Variants in TRPA1 observed in about 807,000 individuals in gnomAD.
The protein encoded by TRPA1 is transient receptor potential cation channel subfamily A member 1.
TRPA1 carries 129 observed loss-of-function variants against 131.3 expected under a neutral mutation model. That is an observed-to-expected ratio of 0.98 (90% CI 0.85 to 1.14). The LOEUF (loss-of-function observed/expected upper bound fraction) is 1.14, where lower values mean the gene tolerates loss of function less well. Ranked by LOEUF, TRPA1 falls within the 50% of genes most tolerant of loss-of-function variation. TRPA1 has a pLI of 0.00. For synonymous variants in TRPA1, 441 were observed against 451.7 expected, an observed-to-expected ratio of 0.98 and a Z score of 0.30; for missense variants, 1,304 against 1,354.2, an observed-to-expected ratio of 0.96 and a Z score of 0.58.
rs757898280 is a variant in TRPA1, at chr8:72,071,883, C to T, written c.112-16G>A. On this transcript the variant is annotated splice_polypyrimidine_tract_variant and intron_variant, in intron 1 of 26. Coordinates refer to ENST00000262209, the MANE Select transcript of TRPA1 (RefSeq NM_007332.3). ...CAAAAACCACCTAGAGGTATTTAAA[C>T]ACCATTATACCAAACAAGCATATGC... 1 of 1,610,146 alleles carries T rather than the reference C, an allele frequency of 6.2e-7. No individual in the cohort carries two copies. The highest frequency in any genetic ancestry group is 8.5e-7 in the Non-Finnish European group (1 of 1,178,814).
intron 3 of TRPA1, 44 bp from the exon 4 acceptor site, chr8:72,065,602 C>A: frequency 6.9e-7 from 1 of 1,458,224 alleles, no homozygotes; most frequent in Non-Finnish European, 9.6e-7. Context: ...TGCAGATTTC[C>A]AAATAAGGTA....
At chr8:72,023,662 G>T in intron 26 of TRPA1, 152 bp downstream of exon 26, 1 of 572,454 alleles carries the variant, frequency 1.7e-6, no homozygotes, top group South Asian at 2.2e-5. Flanking sequence ...TCTAAAAAAT[G>T]TCTCATGACT....
intron 3 of TRPA1, among the ~76,000 whole-genome samples, chr8:72,068,210 G>A (rs1337513703): frequency 1.3e-5 from 2 of 152,186 alleles, no homozygotes; most frequent in Non-Finnish European, 2.9e-5. Flanking sequence ...TTTGGATATT[G>A]TTTCTACCAG....
rs762189736 is a variant in TRPA1, at chr8:72,075,345, T to C, written c.65A>G (p.Tyr22Cys). The C allele has an allele frequency of 3.7e-6, 6 of 1,613,120 alleles. No homozygotes were observed. The East Asian group carries it at 1.1e-4, about 30-fold the overall frequency. The change falls in exon 1 of 27, where the codon TAT becomes TGT. Residue 22 changes from tyrosine (Y) to cysteine (C), a missense_variant. By Grantham distance (194) the Tyr-to-Cys change is radical (BLOSUM62 -2). Transcript: ENST00000262209. ...CTCCGTGTCGTCCGGCACATCCTCA[T>C]AGACAACGCCCTGGGGCTCCTTCTT... ...GEKKEPQGVVYEDVPDDTEDF... is the reference protein window; with the variant it reads ...GEKKEPQGVVCEDVPDDTEDF...
intron 2 of TRPA1, 71 bp from the exon 3 acceptor site, chr8:72,069,269 C>T: frequency 6.9e-7 from 1 of 1,457,336 alleles, no homozygotes. Context: ...AGTGCCTATA[C>T]ACTATAAAAC....
At chr8:72,062,419 T>G (rs1330742223) in intron 6 of TRPA1, 1 of 209,626 alleles carries the variant, frequency 4.8e-6, no homozygotes, top group African/African-American at 2.4e-5. Flanking sequence ...AGAAATTAGT[T>G]AAGTGGTCCT....
chr8:72,077,031 A>G (rs977732868), upstream of TRPA1, among the ~76,000 whole-genome samples: 10 of 152,206 alleles, frequency 6.6e-5, no homozygotes, highest in Non-Finnish European at 1.2e-4. Context: ...ATTGCTGCCT[A>G]CCTGATATTT....
chr8:72,022,054 A>G lies in TRPA1; in HGVS notation c.*852T>C, dbSNP rs1022176740. 1 of 152,200 alleles carries G rather than the reference A, an allele frequency of 6.6e-6. No individual in the cohort carries two copies. Among genetic ancestry groups the G allele is most frequent in the African/African-American group, 2.4e-5 (1 of 41,434 alleles). 9.4% of individuals were successfully genotyped at this position (152,200 alleles called of 1,614,324 possible). A position where few individuals can be genotyped will look rare whatever the true frequency, so the allele number is the denominator to read the frequency against. The stretch of plus-strand genomic sequence containing the variant: ...AGGATGATGGAGAAAATCAGACAAA[A>G]CAATAGAAGGACCTTGAAAAGATTA... On this transcript the variant is annotated 3_prime_UTR_variant, in exon 27 of 27. Transcript: ENST00000262209.
chr8:72,040,660 A>G (rs1022041556), intron 17 of TRPA1, among the ~76,000 whole-genome samples: 8 of 152,082 alleles, frequency 5.3e-5, no homozygotes, highest in African/African-American at 1.9e-4. Flanking sequence ...AAGCTCTGAC[A>G]TGAATGGGTC....
At chr8:72,030,090 A>C in intron 23 of TRPA1, 121 bp from the exon 24 acceptor site, 1 of 924,696 alleles carries the variant, frequency 1.1e-6, no homozygotes, top group Non-Finnish European at 1.8e-6. Context: ...GTAGTGTATA[A>C]ATAGCATAAG....
intron 12 of TRPA1, chr8:72,054,272 T>C (rs1181870594): frequency 3.9e-6 from 1 of 254,722 alleles, no homozygotes; most frequent in South Asian, 4.7e-5. Context: ...GAAGTAATGT[T>C]AGTCTTTGTG....
intron 26 of TRPA1, 126 bp from the exon 27 acceptor site, chr8:72,023,242 G>A: frequency 5.2e-6 from 4 of 772,800 alleles, no homozygotes; most frequent in Non-Finnish European, 8.2e-6. Context: ...TTTAACCTCG[G>A]TAGTCACAAT....
rs139821338 is a variant in TRPA1, at chr8:72,053,835, G to A, written c.1562C>T (p.Ala521Val). Residue 521 changes from alanine to valine, a missense_variant, in exon 13 of 27, where the codon GCG becomes GTG. Ala to Val is a moderately conservative substitution (Grantham distance 64). Coordinates refer to ENST00000262209, the MANE Select transcript of TRPA1 (RefSeq NM_007332.3). ...GGTCTGAGTGTACCCGCCCATGGAC[G>A]CATGATGCAAAGCTGTCCAGCCATT... The part of the protein sequence containing the change: ...DHNGWTALHH[A>V]SMGGYTQTMK... 1.1e-5 allele frequency: 17 copies of A among 1,611,882 alleles called. No homozygotes were observed. Among genetic ancestry groups the A allele is most frequent in the Middle Eastern group, 2.0e-4 (1 of 4,978 alleles).
Position 72,047,038 on chromosome 8 carries a change from G to T in TRPA1, c.1965+110C>A, listed in dbSNP as rs1810711795. The T allele has an allele frequency of 6.0e-6, 5 of 832,044 alleles. 1 individual carries two copies. Among genetic ancestry groups the T allele is most frequent in the Non-Finnish European group, 9.7e-6 (5 of 514,362 alleles). The allele number at this position is 832,044 out of a possible 1,614,324, so 51.5% of individuals were successfully genotyped here. On this transcript the variant is annotated intron_variant, in intron 16 of 26. Coordinates refer to ENST00000262209, the MANE Select transcript of TRPA1 (RefSeq NM_007332.3). ...GATAATACAATAATATGACAAATTAGATCAATACCATCTGCAGTAGATTAC... is the reference window on the plus strand; with the variant it reads ...GATAATACAATAATATGACAAATTATATCAATACCATCTGCAGTAGATTAC...
rs1410762134 is a variant in TRPA1, at chr8:72,075,170, A to C, written c.111+129T>G. The stretch of plus-strand genomic sequence containing the variant: ...CGTCATTAGTAGGGTCACCTCTTGG[A>C]TTGTGCACACACCCCAAAGCTTGCA... On this transcript the variant is annotated intron_variant, in intron 1 of 26. Transcript: ENST00000262209. 4 of 753,254 alleles carry C rather than the reference A, an allele frequency of 5.3e-6. No homozygotes were observed. The African/African-American group carries it at 6.8e-5, about 13-fold the overall frequency. The allele number at this position is 753,254 out of a possible 1,614,324, so 46.7% of individuals were successfully genotyped here.
intron 23 of TRPA1, among the ~76,000 whole-genome samples, chr8:72,032,669 C>G (rs1170240059): frequency 1.3e-5 from 2 of 152,170 alleles, no homozygotes; most frequent in Non-Finnish European, 2.9e-5. Flanking sequence ...AATTATCTTC[C>G]AAAGCATAAA....
intron 21 of TRPA1, among the ~76,000 whole-genome samples, chr8:72,035,345 A>C (rs979473504): frequency 3.3e-5 from 5 of 152,026 alleles, no homozygotes; most frequent in Admixed American, 2.6e-4. Flanking sequence ...TGCCTTTCTC[A>C]CCATACCACG....
At chr8:72,079,428 G>C (rs534654062), upstream of TRPA1, among the ~76,000 whole-genome samples, 1 of 151,884 alleles carries the variant, frequency 6.6e-6, no homozygotes, top group African/African-American at 2.4e-5. Flanking sequence ...TATTGCATAT[G>C]GATATACAAC....
At chr8:72,061,496 G>T (rs977661778) in intron 7 of TRPA1, 129 bp downstream of exon 7, 97 of 1,066,276 alleles carry the variant, frequency 9.1e-5, no homozygotes, top group Non-Finnish European at 1.3e-4. Flanking sequence ...CAGGGTCTTT[G>T]TTATCTTTGC....
Sources: gnomAD v4.1 joint callset for allele counts (sites outside exome capture counted in the v4.1 genomes callset) on GRCh38, gnomAD v4.1.1 for gene constraint, MANE v1.5 for transcripts, NCBI Gene and HGNC (gene_info 2026-07-23, HGNC 2026-07-21) for gene names.